DHRS4: variants seen among roughly 807,000 people sequenced by gnomAD.
The protein encoded by DHRS4 is dehydrogenase/reductase 4.
DHRS4 carries 20 observed loss-of-function variants against 28.4 expected under a neutral mutation model. The ratio of observed to expected loss-of-function variants is 0.71; its 90% CI spans 0.50 to 1.02. The LOEUF (loss-of-function observed/expected upper bound fraction) is 1.02, where lower values mean the gene tolerates loss of function less well. DHRS4 is among the 50% of genes least tolerant of loss of function. The pLI is 0.00. For synonymous variants in DHRS4, 144 were observed against 146.4 expected (o/e 0.98, Z 0.12); for missense variants, 378 against 367.2 (o/e 1.03, Z -0.24).
Position 23,960,010 on chromosome 14 carries a change from G to A in DHRS4, c.408+7G>A, listed in dbSNP as rs1425274240. 1.2e-6 allele frequency: 2 copies of A among 1,606,678 alleles called. No homozygotes were observed. The highest frequency in any genetic ancestry group is 1.7e-6 in the Non-Finnish European group (2 of 1,179,406). On this transcript the variant is annotated splice_region_variant and intron_variant, in intron 3 of 7. Coordinates refer to ENST00000313250, the MANE Select transcript of DHRS4 (RefSeq NM_021004.4). ...TGAGGAGGTGTGGGACAAGGTGAGA[G>A]GGGATTAAAGCAGGGGGGCCGGGGG... is the stretch of plus-strand genomic sequence containing the variant.
chr14:23,959,992 G>A lies in DHRS4; in HGVS notation c.397G>A (p.Val133Met). 4 of 1,610,212 alleles carry A rather than the reference G, an allele frequency of 2.5e-6. No individual in the cohort carries two copies. Among genetic ancestry groups the A allele is most frequent in the Non-Finnish European group, 3.4e-6 (4 of 1,179,612 alleles). ...FGSIMDVTEEVWDKTLDINVK... is the reference protein window; with the variant it reads ...FGSIMDVTEEMWDKTLDINVK... The stretch of plus-strand genomic sequence containing the variant: ...AAGCATAATGGATGTCACTGAGGAG[G>A]TGTGGGACAAGGTGAGAGGGGATTA... The change falls in exon 3 of 8, where the codon GTG becomes ATG. Residue 133 changes from valine (V) to methionine (M), a missense_variant. Transcript: ENST00000313250.
chr14:23,956,126 A>T (rs2033132398), intron 2 of DHRS4, among the ~76,000 whole-genome samples: 1 of 152,348 alleles, frequency 6.6e-6, no homozygotes, highest in African/African-American at 2.4e-5. Flanking sequence ...TGTCTGGCAA[A>T]TGCTCAAATG....
chr14:23,957,907 T>C (rs1279931329), intron 2 of DHRS4, among the ~76,000 whole-genome samples: 3 of 150,056 alleles, frequency 2.0e-5, no homozygotes, highest in Non-Finnish European at 4.4e-5. Context: ...CCTCCTCCCA[T>C]CTCTGTGCTG....
At chr14:23,954,194 A>C (rs1268923744) in intron 1 of DHRS4, 3 of 364,032 alleles carry the variant, frequency 8.2e-6, no homozygotes, top group African/African-American at 2.1e-5. Flanking sequence ...GGGCTGCCCC[A>C]GTCAACCAGC....
At chr14:23,961,069 A>C (rs2033397227) in intron 3 of DHRS4, among the ~76,000 whole-genome samples, 1 of 151,752 alleles carries the variant, frequency 6.6e-6, no homozygotes, top group South Asian at 2.1e-4. Flanking sequence ...TAAGGGATCC[A>C]CCCTCATGAC....
chr14:23,961,675 T>C (rs1446089314), intron 3 of DHRS4, among the ~76,000 whole-genome samples: 23 of 104,100 alleles, frequency 2.2e-4, no homozygotes, highest in South Asian at 3.2e-4. Context: ...TGTGCCATCA[T>C]GCCTGGCTAA....
intron 2 of DHRS4, among the ~76,000 whole-genome samples, chr14:23,958,850 A>C (rs1196119041): frequency 2.0e-5 from 3 of 152,166 alleles, no homozygotes; most frequent in Non-Finnish European, 4.4e-5. Context: ...TCCCAAACAC[A>C]GAATAAGCAG....
intron 2 of DHRS4, among the ~76,000 whole-genome samples, chr14:23,959,360 C>A (rs2033309349): frequency 6.6e-6 from 1 of 152,160 alleles, no homozygotes; most frequent in Non-Finnish European, 1.5e-5. Context: ...GAGTTCCAGA[C>A]CAGCCTGGGC....
Position 23,964,245 on chromosome 14 carries a change from A to AC in DHRS4, c.409-1517_409-1516insC, listed in dbSNP as rs1566475564. On this transcript the variant is annotated intron_variant, in intron 3 of 7. Transcript: ENST00000313250. Reference sequence around the variant, plus strand: ...TAAAAAAAAAAAAAAAAAAAAAAAAAAAAAAAAAACACAATATCTGCAAAG... The same window carrying AC: ...TAAAAAAAAAAAAAAAAAAAAAAAAACAAAAAAAAACACAATATCTGCAAAG... Among the ~76,000 whole-genome samples, 24 of 133,960 alleles carry AC rather than the reference A, an allele frequency of 1.8e-4. 2 individuals are homozygous for AC. Among genetic ancestry groups the AC allele is most frequent in the African/African-American group, 6.6e-4 (23 of 34,762 alleles). The allele number at this position is 133,960 out of a possible 152,430, so 87.9% of individuals were successfully genotyped here.
intron 7 of DHRS4, 106 bp from the exon 8 acceptor site, chr14:23,968,651 G>A (rs564514849): frequency 6.5e-7 from 1 of 1,541,990 alleles, no homozygotes; most frequent in Admixed American, 2.0e-5. Context: ...CCCTGAAAAA[G>A]CCATCTGATA....
intron 6 of DHRS4, 98 bp from the exon 7 acceptor site, chr14:23,967,113 C>T: frequency 6.7e-7 from 1 of 1,483,562 alleles, no homozygotes; most frequent in Non-Finnish European, 9.0e-7. Flanking sequence ...AAGATAGCGC[C>T]ACTACAGTCC....
intron 2 of DHRS4, among the ~76,000 whole-genome samples, chr14:23,956,729 G>A (rs1437635425): frequency 1.3e-5 from 2 of 149,834 alleles, no homozygotes; most frequent in Admixed American, 6.7e-5. Flanking sequence ...TCAGCCTCCC[G>A]AGCAGCTAGG....
In DHRS4 at chr14:23,953,801, G is replaced by A. The variant is rs1043437; in HGVS notation, c.13G>A (p.Gly5Arg). The A allele has an allele frequency of 1.3e-5, 21 of 1,613,962 alleles. No homozygotes were observed. In the East Asian group the frequency reaches 3.8e-4, roughly 29 times the overall value. The change falls in exon 1 of 8, where the codon GGG becomes AGG. Residue 5 changes from glycine (G) to arginine (R), a missense_variant. Transcript: ENST00000313250. The stretch of plus-strand genomic sequence containing the variant: ...GCTGGTCTGATCCATGCACAAGGCG[G>A]GGCTGCTAGGCCTCTGTGCCCGGGC... MHKA[G>R]LLGLCARAWN...
At chr14:23,960,847 C>A (rs944947990) in intron 3 of DHRS4, among the ~76,000 whole-genome samples, 11 of 152,054 alleles carry the variant, frequency 7.2e-5, no homozygotes, top group African/African-American at 2.7e-4. Flanking sequence ...TACGATACTG[C>A]AGACTGTACA....
At chr14:23,960,034 G>A (rs778739648) in intron 3 of DHRS4, 31 bp downstream of exon 3, 17 of 1,591,088 alleles carry the variant, frequency 1.1e-5, no homozygotes, top group East Asian at 4.5e-5. Flanking sequence ...GGGGGCCGGG[G>A]GGGGCGCCTT....
At position 23,955,066 on chromosome 14, in the gene DHRS4, C is replaced by G. The variant is rs1242694250; in HGVS notation, c.160C>G (p.Gln54Glu). Residue 54 changes from glutamine to glutamate, a missense_variant, in exon 2 of 8, where the codon CAG (glutamine) becomes GAG (glutamate). Transcript: ENST00000313250. ...IGFAIARRLA[Q>E]DGAHVVVSSR... is the part of the protein sequence containing the mutation. The stretch of plus-strand genomic sequence containing the variant: ...CTTCGCCATCGCCCGGCGTTTGGCC[C>G]AGGACGGGGCCCATGTGGTCGTCAG... The G allele has an allele frequency of 6.2e-7, 1 of 1,614,076 alleles. No individual in the cohort carries two copies. Among genetic ancestry groups the G allele is most frequent in the Non-Finnish European group, 8.5e-7 (1 of 1,180,008 alleles).
At chr14:23,960,931 G>A (rs1358325199) in intron 3 of DHRS4, among the ~76,000 whole-genome samples, 1 of 148,520 alleles carries the variant, frequency 6.7e-6, no homozygotes, top group Non-Finnish European at 1.5e-5. Context: ...GAAAAAGGGA[G>A]CAAGTGTGTC....
At chr14:23,963,509 C>T (rs539080026) in intron 3 of DHRS4, among the ~76,000 whole-genome samples, 14 of 148,248 alleles carry the variant, frequency 9.4e-5, no homozygotes, top group Middle Eastern at 3.4e-3. Context: ...CCAACTTTTC[C>T]GGAGCTTCTT....
chr14:23,964,220 TAAAAAAAA>T (rs71119059), intron 3 of DHRS4, among the ~76,000 whole-genome samples: 644 of 34,426 alleles, frequency 0.019, 18 homozygotes, highest in African/African-American at 0.048. Context: ...CTGCAATTTG[TAAAAAAAA>T]AAAAAAAAAA....
Sources: gnomAD v4.1 joint callset for allele counts (sites outside exome capture counted in the v4.1 genomes callset) on GRCh38, gnomAD v4.1.1 for gene constraint, MANE v1.5 for transcripts, NCBI Gene and HGNC (gene_info 2026-07-23, HGNC 2026-07-21) for gene names.